The following ANK2 variants were observed in gnomAD, a reference collection of about 807,000 sequenced individuals.
ANK2 encodes the protein ankyrin-2.
ANK2 carries 83 observed loss-of-function variants against 360.5 expected under a neutral mutation model. The observed-to-expected ratio is 0.23, with a 90% CI of 0.19 to 0.28. The LOEUF is 0.28. Among genes scored for constraint, ANK2 ranks in the 10% least tolerant of loss-of-function variants. ANK2 has a pLI of 1.00. For missense variants in ANK2, 4,201 were observed against 4,795.7 expected, an observed-to-expected ratio of 0.88 and a Z score of 3.66; for synonymous variants, 1,740 against 1,759.5, an observed-to-expected ratio of 0.99 and a Z score of 0.28.
chr4:112,875,929 T>TC (rs907141152), intron 1 of ANK2, among the ~76,000 whole-genome samples: 1 of 151,356 alleles, frequency 6.6e-6, no homozygotes, highest in African/African-American at 2.4e-5. Context: ...TTCTTTTTTT[T>TC]TTTTTTTTAG....
rs2154037371 is a variant in ANK2 at position 113,360,885 on chromosome 4, T to G, written c.10744T>G (p.Phe3582Val). The change falls in exon 39 of 46, where the codon TTC (phenylalanine) becomes GTC (valine). Residue 3582 changes from phenylalanine to valine, a missense_variant. Physicochemically the swap from Phe to Val is conservative, Grantham distance 50. Around this residue, in one of 4 missense-constraint regions of ANK2, gnomAD observed 2,642 missense variants for 2,714.5 expected, o/e 0.97. Transcript: ENST00000357077. ...RLAYIADHLGFSWTELARELD... is the reference protein window; with the variant it reads ...RLAYIADHLGVSWTELARELD... ...GGCTTATATTGCTGATCACCTTGGC[T>G]TCAGCTGGACAGGTAAAAAGAATGT... The G allele has an allele frequency of 1.2e-6, 2 of 1,612,472 alleles. No individual in the cohort carries two copies. The highest frequency in any genetic ancestry group is 1.7e-6 in the Non-Finnish European group (2 of 1,179,120).
intron 1 of ANK2, among the ~76,000 whole-genome samples, chr4:112,840,115 A>G (rs2061788793): frequency 6.6e-6 from 1 of 152,226 alleles, no homozygotes; most frequent in Admixed American, 6.5e-5. Context: ...TTCCTCTAAC[A>G]GCAGGCTTTA....
In ANK2 at chr4:113,353,955, T is replaced by C; in HGVS notation, c.5337T>C (p.Asp1779=). 6.2e-7 allele frequency: 1 copy of C among 1,613,994 alleles called. No individual in the cohort carries two copies. Among genetic ancestry groups the C allele is most frequent in the Non-Finnish European group, 8.5e-7 (1 of 1,179,932 alleles). The change falls in exon 38 of 46, where the codon GAT becomes GAC. Residue 1779 remains aspartate, a synonymous_variant. Transcript: ENST00000357077. ...AGGCCCTTCAGAAGCGAGTGGAAGA[T>C]GAACAGAAAGGTCGAAGCAAGTTGC... ...KVKALQKRVE[D]EQKGRSKLPI...
chr4:113,241,422 T>G (rs1412299304), intron 8 of ANK2, among the ~76,000 whole-genome samples: 1 of 152,112 alleles, frequency 6.6e-6, no homozygotes, highest in Non-Finnish European at 1.5e-5. Flanking sequence ...ACCGAAGCCC[T>G]GAACTCATGG....
the ANK2 span, among the ~76,000 whole-genome samples, chr4:112,770,637 C>T: frequency 1.3e-5 from 2 of 151,188 alleles, no homozygotes; most frequent in Non-Finnish European, 2.9e-5. Flanking sequence ...ACTTGGGAGG[C>T]AGAGGTTGCA....
chr4:112,845,405 A>C (rs1025956803), intron 1 of ANK2, among the ~76,000 whole-genome samples: 3 of 151,868 alleles, frequency 2.0e-5, no homozygotes, highest in African/African-American at 7.3e-5. Flanking sequence ...GGACAAAGTT[A>C]GTTAAATATA....
chr4:112,714,888 G>A, the ANK2 span, among the ~76,000 whole-genome samples: 1 of 152,200 alleles, frequency 6.6e-6, no homozygotes, highest in African/African-American at 2.4e-5. Flanking sequence ...TCACTAGCCT[G>A]TAAACCTAGC....
At chr4:113,028,365 GA>G (rs1333315074) in intron 2 of ANK2, among the ~76,000 whole-genome samples, 5 of 152,104 alleles carry the variant, frequency 3.3e-5, no homozygotes, top group Non-Finnish European at 5.9e-5. Context: ...CAGCAAGTTA[GA>G]AAAATGCAGA....
At chr4:113,320,590 G>C (rs2085585845) in intron 26 of ANK2, among the ~76,000 whole-genome samples, 1 of 152,136 alleles carries the variant, frequency 6.6e-6, no homozygotes, top group African/African-American at 2.4e-5. Context: ...GGGAGGTGGT[G>C]GTTACAGCGA....
At chr4:113,301,137 C>A (rs1291355523) in intron 22 of ANK2, among the ~76,000 whole-genome samples, 1 of 152,110 alleles carries the variant, frequency 6.6e-6, no homozygotes, top group East Asian at 1.9e-4. Context: ...GAAGATGTTA[C>A]TCTTATGTCA....
intron 26 of ANK2, chr4:113,323,882 G>T: frequency 7.6e-7 from 1 of 1,307,740 alleles, no homozygotes; most frequent in Non-Finnish European, 1.1e-6. Context: ...CTTGCCTCAG[G>T]ATGCTTTAGT....
the ANK2 span, among the ~76,000 whole-genome samples, chr4:112,810,157 ATATTTTTTTT>A: frequency 1.6e-3 from 39 of 23,668 alleles, no homozygotes; most frequent in African/African-American, 7.0e-3. Flanking sequence ...ATATATATAT[ATATTTTTTTT>A]TTTTTTTTTT....
chr4:113,002,222 A>G (rs1032754087), intron 2 of ANK2, among the ~76,000 whole-genome samples: 1 of 152,124 alleles, frequency 6.6e-6, no homozygotes, highest in Non-Finnish European at 1.5e-5. Flanking sequence ...GTATATACCC[A>G]AAGGACTATA....
At chr4:113,186,769 C>T (rs1176250298) in intron 2 of ANK2, among the ~76,000 whole-genome samples, 5 of 152,018 alleles carry the variant, frequency 3.3e-5, no homozygotes, top group African/African-American at 1.2e-4. Flanking sequence ...GAATTCTCTT[C>T]TTAGAAAAAA....
chr4:112,957,392 G>A (rs1056118141), intron 2 of ANK2, among the ~76,000 whole-genome samples: 5 of 152,190 alleles, frequency 3.3e-5, no homozygotes, highest in African/African-American at 1.2e-4. Flanking sequence ...AGAACAAAAT[G>A]AAAAGTCTCC....
chr4:113,140,572 G>A (rs185859470), intron 1 of ANK2, among the ~76,000 whole-genome samples: 186 of 152,238 alleles, frequency 1.2e-3, no homozygotes, highest in Non-Finnish European at 1.3e-3. Flanking sequence ...TCTTGGAGGA[G>A]AGAAAAAAAT....
At chr4:113,228,860 G>T (rs987285772) in intron 4 of ANK2, among the ~76,000 whole-genome samples, 2 of 152,028 alleles carry the variant, frequency 1.3e-5, no homozygotes, top group Non-Finnish European at 2.9e-5. Flanking sequence ...GCTAAAAAAC[G>T]GTTAAGTATC....
At chr4:113,307,116 G>A (rs1156446813) in intron 23 of ANK2, among the ~76,000 whole-genome samples, 1 of 152,140 alleles carries the variant, frequency 6.6e-6, no homozygotes, top group Non-Finnish European at 1.5e-5. Context: ...GGATTCTTGA[G>A]TGGGTGGCTT....
At chr4:113,350,909 T>A (rs2095372751) in intron 37 of ANK2, 1 of 151,688 alleles carries the variant, frequency 6.6e-6, no homozygotes, top group Non-Finnish European at 1.5e-5. Flanking sequence ...AAATTACTAA[T>A]CACAACAGCA....
Sources: gnomAD v4.1 joint callset for allele counts (sites outside exome capture counted in the v4.1 genomes callset) on GRCh38, gnomAD v4.1.1 for gene constraint, gnomAD v4.1.1 regional missense constraint, MANE v1.5 for transcripts, NCBI Gene and HGNC (gene_info 2026-07-23, HGNC 2026-07-21) for gene names.